XXYLT1: variants seen among roughly 807,000 people sequenced by gnomAD.
XXYLT1 encodes the protein xyloside xylosyltransferase 1.
A neutral mutation model predicts 28.9 loss-of-function variants in XXYLT1; 20 were observed. That is an observed-to-expected ratio of 0.69 (90% confidence interval 0.49 to 1.00). The LOEUF is 1.00. XXYLT1 is among the 50% of genes least tolerant of loss of function. XXYLT1 has a pLI of 0.00. For synonymous variants in XXYLT1, 257 were observed against 253.8 expected, an observed-to-expected ratio of 1.01 and a Z score of -0.12; for missense variants, 542 against 560.1, an observed-to-expected ratio of 0.97 and a Z score of 0.33.
chr3:195,189,607 T>C (rs1326765678), intron 2 of XXYLT1, among the ~76,000 whole-genome samples: 10 of 152,098 alleles, frequency 6.6e-5, no homozygotes, highest in African/African-American at 2.4e-5. Flanking sequence ...AGATTCAAGA[T>C]GGCAAAAGAA....
chr3:195,246,026 T>C lies in XXYLT1; in HGVS notation c.505-19170A>G, dbSNP rs183469594. On this transcript the variant is annotated intron_variant, in intron 1 of 3. Coordinates refer to ENST00000310380, the MANE Select transcript of XXYLT1 (RefSeq NM_152531.5). The stretch of plus-strand genomic sequence containing the variant: ...ATATCTCTTTATAGCAACGCAAAAA[T>C]GGTCTAATACAGAAGACAACACAAC... Among the ~76,000 whole-genome samples, 247 of 152,262 alleles carry C rather than the reference T, an allele frequency of 1.6e-3. 2 individuals carry two copies. Among genetic ancestry groups the C allele is most frequent in the Middle Eastern group, 0.01 (3 of 294 alleles).
At chr3:195,229,371 C>A (rs113405005) in intron 1 of XXYLT1, among the ~76,000 whole-genome samples, 4,708 of 152,254 alleles carry the variant, frequency 0.031, 142 homozygotes, top group East Asian at 0.1. Context: ...TCACCTCAAG[C>A]ATTTATCCTT....
At chr3:195,072,273 C>G (rs1343678677) in intron 3 of XXYLT1, among the ~76,000 whole-genome samples, 2 of 152,208 alleles carry the variant, frequency 1.3e-5, no homozygotes, top group South Asian at 4.1e-4. Flanking sequence ...CCCACCAGAT[C>G]TACTGTGGGG....
intron 2 of XXYLT1, among the ~76,000 whole-genome samples, chr3:195,171,618 G>C (rs1161676153): frequency 6.6e-6 from 1 of 152,172 alleles, no homozygotes; most frequent in African/African-American, 2.4e-5. Flanking sequence ...GATCTCCATG[G>C]ATGTCAAACA....
chr3:195,127,174 C>T (rs1212141184), intron 3 of XXYLT1, among the ~76,000 whole-genome samples: 1 of 152,126 alleles, frequency 6.6e-6, no homozygotes. Flanking sequence ...CCCCGGTAAA[C>T]ATGAGTGTTC....
At chr3:195,144,455 C>A (rs1247117620) in intron 3 of XXYLT1, among the ~76,000 whole-genome samples, 1 of 152,060 alleles carries the variant, frequency 6.6e-6, no homozygotes, top group Admixed American at 6.6e-5. Flanking sequence ...CGGCTCACTG[C>A]AACCTCCGCC....
intron 3 of XXYLT1, among the ~76,000 whole-genome samples, chr3:195,079,462 C>T (rs1020352494): frequency 6.6e-6 from 1 of 151,848 alleles, no homozygotes; most frequent in Non-Finnish European, 1.5e-5. Flanking sequence ...ATGAGAATAA[C>T]GATAATGGCT....
intron 3 of XXYLT1, among the ~76,000 whole-genome samples, chr3:195,100,058 T>C: frequency 6.6e-6 from 1 of 152,200 alleles, no homozygotes; most frequent in African/African-American, 2.4e-5. Context: ...TAGTGGAAAT[T>C]TGGAACTTCC....
At chr3:195,264,107 G>T (rs1725770875) in intron 1 of XXYLT1, among the ~76,000 whole-genome samples, 1 of 152,176 alleles carries the variant, frequency 6.6e-6, no homozygotes, top group Non-Finnish European at 1.5e-5. Flanking sequence ...GAGGCAAGCA[G>T]CTGCCAGAGC....
chr3:195,251,497 C>T (rs747781115), intron 1 of XXYLT1, among the ~76,000 whole-genome samples: 1 of 152,344 alleles, frequency 6.6e-6, no homozygotes, highest in East Asian at 1.9e-4. Flanking sequence ...GCCTGTGAAG[C>T]TGCGCTGAGC....
At chr3:195,126,496 A>T (rs1459189282) in intron 3 of XXYLT1, among the ~76,000 whole-genome samples, 1 of 152,254 alleles carries the variant, frequency 6.6e-6, no homozygotes, top group Non-Finnish European at 1.5e-5. Context: ...ATGAAGGCAC[A>T]GTTCCTGCTC....
chr3:195,185,168 G>A (rs1296889942), intron 2 of XXYLT1, among the ~76,000 whole-genome samples: 1 of 151,818 alleles, frequency 6.6e-6, no homozygotes. Flanking sequence ...AAAAAGAAAA[G>A]GAAAGGAAAG....
chr3:195,175,887 G>T, intron 2 of XXYLT1: 2 of 1,403,452 alleles, frequency 1.4e-6, no homozygotes, highest in Non-Finnish European at 1.8e-6. Flanking sequence ...TGACATTTGT[G>T]TGGGAAAGAA....
intron 1 of XXYLT1, among the ~76,000 whole-genome samples, chr3:195,239,032 C>T (rs747975347): frequency 9.9e-5 from 15 of 152,234 alleles, no homozygotes; most frequent in Admixed American, 3.3e-4. Flanking sequence ...TGCATCCCAT[C>T]AGCATGAATA....
chr3:195,148,594 C>A (rs1209194050), intron 3 of XXYLT1, among the ~76,000 whole-genome samples: 1 of 152,172 alleles, frequency 6.6e-6, no homozygotes, highest in Non-Finnish European at 1.5e-5. Context: ...CAACGGAGGG[C>A]TTCATGCCTA....
At position 195,270,566 on chromosome 3, in the gene XXYLT1, A is replaced by G; in HGVS notation, c.493T>C (p.Phe165Leu). 1 of 1,395,570 alleles carries G rather than the reference A, an allele frequency of 7.2e-7. No individual in the cohort carries two copies. Among genetic ancestry groups the G allele is most frequent in the South Asian group, 1.6e-5 (1 of 63,730 alleles). The allele number at this position is 1,395,570 out of a possible 1,614,324, so 86.4% of individuals were successfully genotyped here. ...CGCGGCCCGCTCACCTTGCACTTGA[A>G]GCCAGCGGCGGGCGGCAGGAGCTCC... ...LRELLPPAAG[F>L]KCKVIFHDVA... The change falls in exon 1 of 4, where the codon TTC (phenylalanine) becomes CTC (leucine). Residue 165 changes from phenylalanine (F) to leucine (L), a missense_variant. Coordinates refer to ENST00000310380, the MANE Select transcript of XXYLT1 (RefSeq NM_152531.5).
intron 1 of XXYLT1, among the ~76,000 whole-genome samples, chr3:195,251,245 A>G (rs1273689705): frequency 6.6e-6 from 1 of 152,268 alleles, no homozygotes; most frequent in Non-Finnish European, 1.5e-5. Context: ...GGAAAAGCAG[A>G]GACCACTTGC....
At position 195,209,205 on chromosome 3, in the gene XXYLT1, T is replaced by C. The variant is rs1488360652; in HGVS notation, c.652+17504A>G. The C allele has an allele frequency of 1.3e-5, 2 of 152,282 alleles. No homozygotes were observed. Among genetic ancestry groups the C allele is most frequent in the East Asian group, 3.9e-4 (2 of 5,192 alleles). 9.4% of individuals were successfully genotyped at this position (152,282 alleles called of 1,614,324 possible). ...CCAGTCCTCACTAGGGCAAGAAGCC[T>C]GTATGGAGGACAGACAGAGGAAGTG... is the stretch of plus-strand genomic sequence containing the variant. On this transcript the variant is annotated intron_variant, in intron 2 of 3. Coordinates refer to ENST00000310380, the MANE Select transcript of XXYLT1 (RefSeq NM_152531.5). The surrounding 1 kb of genome is among the most constrained non-coding windows in gnomAD (Gnocchi z 5.0).
At chr3:195,229,407 T>C (rs2108806065) in intron 1 of XXYLT1, among the ~76,000 whole-genome samples, 1 of 152,354 alleles carries the variant, frequency 6.6e-6, no homozygotes, top group Non-Finnish European at 1.5e-5. Context: ...CCAATTATTT[T>C]AGTTATTTGA....
Sources: allele counts gnomAD v4.1 joint callset (sites outside exome capture counted in the v4.1 genomes callset), GRCh38; gene constraint gnomAD v4.1.1; non-coding constraint Gnocchi (gnomAD v3.1); transcripts MANE v1.5; gene names NCBI Gene and HGNC (gene_info 2026-07-23, HGNC 2026-07-21).